COX4I2: variants seen among roughly 807,000 people sequenced by gnomAD.
COX4I2 encodes cytochrome c oxidase subunit 4I2.
Under a neutral mutation model 20.8 loss-of-function variants are expected in COX4I2, and 15 were observed. The observed-to-expected ratio is 0.72, with a 90% confidence interval of 0.48 to 1.11. The LOEUF (loss-of-function observed/expected upper bound fraction) is 1.11, where lower values mean the gene tolerates loss of function less well. Ranked by LOEUF, COX4I2 falls within the 50% of genes most tolerant of loss-of-function variation. The pLI, the probability that COX4I2 is intolerant of heterozygous loss-of-function variation, is 0.00. For synonymous variants in COX4I2, 80 were observed against 78.1 expected (o/e 1.02, Z -0.13); for missense variants, 224 against 223.0 (o/e 1.00, Z -0.03).
rs119455950 is a variant in COX4I2 at position 31,644,800 on chromosome 20, G to A, written c.412G>A (p.Glu138Lys). Reference protein sequence around the residue: ...FPPKPITLTDERKAQQLQRML... With the variant: ...FPPKPITLTDKRKAQQLQRML... ...TCCAAAGCCGATCACCTTGACGGACGAGCGGAAAGCCCAGCAGCTGCAGCG... is the reference window on the plus strand; with the variant it reads ...TCCAAAGCCGATCACCTTGACGGACAAGCGGAAAGCCCAGCAGCTGCAGCG... The change falls in exon 5 of 5, where the codon GAG becomes AAG. Residue 138 changes from glutamate (E) to lysine (K), a missense_variant. Coordinates refer to ENST00000376075, the MANE Select transcript of COX4I2 (RefSeq NM_032609.3). 636 of 1,614,062 alleles carry A rather than the reference G, an allele frequency of 3.9e-4. 2 individuals carry two copies. The African/African-American group carries it at 7.2e-3, about 18-fold the overall frequency.
chr20:31,638,317 G>C (rs1389803349), intron 1 of COX4I2, among the ~76,000 whole-genome samples: 1 of 151,358 alleles, frequency 6.6e-6, no homozygotes, highest in Non-Finnish European at 1.5e-5. Flanking sequence ...TCTCTCCCTA[G>C]ATGTGGGACT....
At chr20:31,643,657 G>T (rs1181586609) in intron 4 of COX4I2, 122 bp downstream of exon 4, 9 of 1,192,570 alleles carry the variant, frequency 7.5e-6, no homozygotes, top group Non-Finnish European at 3.7e-6. Flanking sequence ...TTTCTGAAGA[G>T]GTGTAGGGTG....
rs150196183 is a variant in COX4I2 at position 31,644,784 on chromosome 20, G to A, written c.396G>A (p.Pro132=). The A allele has an allele frequency of 1.4e-4, 228 of 1,613,992 alleles. No homozygotes were observed. The highest frequency in any genetic ancestry group is 1.3e-3 in the African/African-American group (98 of 75,012). ...WQRVYVFPPK[P]ITLTDERKAQ... is the part of the protein sequence containing the mutation. ...TCCCTGCAGTATTTCCTCCAAAGCC[G>A]ATCACCTTGACGGACGAGCGGAAAG... is the stretch of plus-strand genomic sequence containing the variant. The change falls in exon 5 of 5, where the codon CCG becomes CCA. Residue 132 remains proline (P), a synonymous_variant. Coordinates refer to ENST00000376075, the MANE Select transcript of COX4I2 (RefSeq NM_032609.3).
chr20:31,638,982 T>C (rs750682956), intron 1 of COX4I2, 36 bp from the exon 2 acceptor site: 2 of 1,583,368 alleles, frequency 1.3e-6, no homozygotes, highest in African/African-American at 2.7e-5. Flanking sequence ...GAGGGTGATG[T>C]GGGGGCAGAA....
At chr20:31,642,599 C>T (rs1055326920) in intron 3 of COX4I2, among the ~76,000 whole-genome samples, 3 of 151,910 alleles carry the variant, frequency 2.0e-5, no homozygotes, top group Non-Finnish European at 4.4e-5. Flanking sequence ...GCCACCACTC[C>T]TGGCTAATTT....
intron 3 of COX4I2, among the ~76,000 whole-genome samples, chr20:31,640,935 TTCTC>T (rs143299625): frequency 3.1e-5 from 4 of 130,246 alleles, no homozygotes; most frequent in Admixed American, 8.0e-5. Flanking sequence ...CCTTTACCCC[TTCTC>T]TCTCTCTCTC....
At position 31,639,392 on chromosome 20, in the gene COX4I2, C is replaced by G. The variant is rs2060453725; in HGVS notation, c.82+293C>G. On this transcript the variant is annotated intron_variant, in intron 2 of 4. Transcript: ENST00000376075. ...GGAGGATGCTGACAGAACCTTGGAC[C>G]CTGATTCCTCCTTTCCAGACCCTAG... 3 of 554,446 alleles carry G rather than the reference C, an allele frequency of 5.4e-6. No individual in the cohort carries two copies. The African/African-American group carries it at 6.2e-5, about 11-fold the overall frequency. The allele number at this position is 554,446 out of a possible 1,614,324, so 34.3% of individuals were successfully genotyped here.
chr20:31,644,788 A>G lies in COX4I2; in HGVS notation c.400A>G (p.Thr134Ala), dbSNP rs2060486548. 1 of 1,614,066 alleles carries G rather than the reference A, an allele frequency of 6.2e-7. No homozygotes were observed. The highest frequency in any genetic ancestry group is 8.5e-7 in the Non-Finnish European group (1 of 1,179,998). Reference protein sequence around the residue: ...RVYVFPPKPITLTDERKAQQL... With the variant: ...RVYVFPPKPIALTDERKAQQL... ...TGCAGTATTTCCTCCAAAGCCGATC[A>G]CCTTGACGGACGAGCGGAAAGCCCA... is the stretch of plus-strand genomic sequence containing the variant. The change falls in exon 5 of 5, where the codon ACC becomes GCC. Residue 134 changes from threonine (T) to alanine (A), a missense_variant. Physicochemically the swap from Thr to Ala is moderately conservative, Grantham distance 58. Coordinates refer to ENST00000376075, the MANE Select transcript of COX4I2 (RefSeq NM_032609.3).
intron 3 of COX4I2, among the ~76,000 whole-genome samples, chr20:31,641,040 G>A (rs1408359255): frequency 6.6e-6 from 1 of 151,684 alleles, no homozygotes; most frequent in Non-Finnish European, 1.5e-5. Context: ...CACTCTTGGG[G>A]GGAGAGGGGA....
chr20:31,643,337 G>A (rs1334721808), intron 3 of COX4I2, 67 bp from the exon 4 acceptor site: 2 of 1,595,830 alleles, frequency 1.3e-6, no homozygotes, highest in Admixed American at 3.3e-5. Context: ...GCTGCAGGGA[G>A]GGGGAAGCCG....
In COX4I2 at chr20:31,643,500, T is replaced by C. The variant is rs754764589; in HGVS notation, c.344T>C (p.Phe115Ser). The C allele has an allele frequency of 2.5e-6, 4 of 1,614,188 alleles. No individual in the cohort carries two copies. In the South Asian group the frequency reaches 4.4e-5, roughly 18 times the overall value. The change falls in exon 4 of 5, where the codon TTC becomes TCC. Residue 115 changes from phenylalanine to serine, a missense_variant. By Grantham distance (155) the Phe-to-Ser change is radical. Coordinates refer to ENST00000376075, the MANE Select transcript of COX4I2 (RefSeq NM_032609.3). Reference protein sequence around the residue: ...VMGCVFFFIGFAALVIWWQRV... With the variant: ...VMGCVFFFIGSAALVIWWQRV... ...GGTTGTGTCTTCTTCTTCATTGGATTCGCAGCTCTGGTGATTTGGTGGCAG... is the reference window on the plus strand; with the variant it reads ...GGTTGTGTCTTCTTCTTCATTGGATCCGCAGCTCTGGTGATTTGGTGGCAG...
chr20:31,644,957 C>T lies in COX4I2; in HGVS notation c.*53C>T, dbSNP rs774033084. 1.7e-4 allele frequency: 274 copies of T among 1,595,830 alleles called. No individual in the cohort carries two copies. Among genetic ancestry groups the T allele is most frequent in the Non-Finnish European group, 2.1e-4 (251 of 1,170,768 alleles). On this transcript the variant is annotated 3_prime_UTR_variant, in exon 5 of 5. Transcript: ENST00000376075. Reference sequence around the variant, plus strand: ...CTCCGCCCTGGCTGGGAGCCTCTGGCGGCCCCTCCCCTCCCCTGCCCTTAA... The same window carrying T: ...CTCCGCCCTGGCTGGGAGCCTCTGGTGGCCCCTCCCCTCCCCTGCCCTTAA...
At chr20:31,641,164 TATA>T (rs1248536553) in intron 3 of COX4I2, among the ~76,000 whole-genome samples, 1 of 151,020 alleles carries the variant, frequency 6.6e-6, no homozygotes, top group Non-Finnish European at 1.5e-5. Flanking sequence ...AAACTTAAAG[TATA>T]ATAATAATAA....
intron 3 of COX4I2, among the ~76,000 whole-genome samples, chr20:31,643,171 G>A (rs531751858): frequency 9.2e-5 from 14 of 152,294 alleles, no homozygotes; most frequent in Non-Finnish European, 1.5e-4. Context: ...TCCCTGGCCA[G>A]CCAACTGTTT....
chr20:31,642,341 A>T (rs2060472822), intron 3 of COX4I2, among the ~76,000 whole-genome samples: 1 of 151,826 alleles, frequency 6.6e-6, no homozygotes, highest in African/African-American at 2.4e-5. Context: ...CCCTTTTCCC[A>T]AGGAATTCTG....
Position 31,639,949 on chromosome 20 carries a change from G to T in COX4I2, c.99G>T (p.Lys33Asn). ...TGTCTGCAGCCCGTGGTGGGGGGAA[G>T]ATGTCCCCCTACACCAACTGCTATG... ...SSEGTTRGGGKMSPYTNCYAQ... is the reference protein window; with the variant it reads ...SSEGTTRGGGNMSPYTNCYAQ... Residue 33 changes from lysine to asparagine, a missense_variant, in exon 3 of 5, where the codon AAG (lysine) becomes AAT (asparagine). Physicochemically the swap from Lys to Asn is moderately conservative, Grantham distance 94 (BLOSUM62 0). Coordinates refer to ENST00000376075, the MANE Select transcript of COX4I2 (RefSeq NM_032609.3). The T allele has an allele frequency of 1.2e-6, 2 of 1,614,082 alleles. No homozygotes were observed. Among genetic ancestry groups the T allele is most frequent in the South Asian group, 2.2e-5 (2 of 91,088 alleles).
At position 31,644,819 on chromosome 20, in the gene COX4I2, T is replaced by G. The variant is rs761639981; in HGVS notation, c.431T>G (p.Leu144Arg). 4.3e-6 allele frequency: 7 copies of G among 1,613,932 alleles called. No homozygotes were observed. The African/African-American group carries it at 8.0e-5, about 18-fold the overall frequency. ...ACGGACGAGCGGAAAGCCCAGCAGC[T>G]GCAGCGCATGCTGGACATGAAGGTG... is the stretch of plus-strand genomic sequence containing the variant. ...TLTDERKAQQ[L>R]QRMLDMKVNP... Residue 144 changes from leucine (L) to arginine (R), a missense_variant, in exon 5 of 5, where the codon CTG (leucine) becomes CGG (arginine). Transcript: ENST00000376075.
intron 4 of COX4I2, among the ~76,000 whole-genome samples, 177 bp downstream of exon 4, chr20:31,643,712 C>T (rs147697190): frequency 8.5e-5 from 13 of 152,284 alleles, no homozygotes; most frequent in Non-Finnish European, 1.8e-4. Context: ...GGAACTTTAC[C>T]TCTCTGGGCC....
rs913376401 is a variant in COX4I2, at chr20:31,640,159, G to A, written c.247+62G>A. ...TTGGGGGCTGACTTTGGAAAGAATG[G>A]CCTGTCAGGGATCAGAGGGCAGAGA... On this transcript the variant is annotated intron_variant, in intron 3 of 4. Coordinates refer to ENST00000376075, the MANE Select transcript of COX4I2 (RefSeq NM_032609.3). 1.6e-5 allele frequency: 25 copies of A among 1,526,216 alleles called. No homozygotes were observed. The African/African-American group carries it at 2.5e-4, about 15-fold the overall frequency. 94.5% of individuals were successfully genotyped at this position (1,526,216 alleles called of 1,614,324 possible). A position where few individuals can be genotyped will look rare whatever the true frequency, so the allele number is the denominator to read the frequency against.
Sources: gnomAD v4.1 joint callset for allele counts (sites outside exome capture counted in the v4.1 genomes callset) on GRCh38, gnomAD v4.1.1 for gene constraint, MANE v1.5 for transcripts, NCBI Gene and HGNC (gene_info 2026-07-23, HGNC 2026-07-21) for gene names.